The following CNIH3 variants were observed in gnomAD, a reference collection of about 807,000 sequenced individuals.
The protein encoded by CNIH3 is protein cornichon homolog 3.
CNIH3 carries 14 observed loss-of-function variants against 24.1 expected under a neutral mutation model. That is an observed-to-expected ratio of 0.58 (90% CI 0.38 to 0.91). The LOEUF is 0.91. Among genes scored for constraint, CNIH3 ranks in the 40% least tolerant of loss-of-function variants. CNIH3 has a pLI of 0.00. For missense variants in CNIH3, 178 were observed against 196.8 expected (o/e 0.90, Z 0.57); for synonymous variants, 68 against 73.8 (o/e 0.92, Z 0.40).
intron 1 of CNIH3, among the ~76,000 whole-genome samples, chr1:224,672,109 T>C (rs1240987820): frequency 6.6e-6 from 1 of 152,204 alleles, no homozygotes; most frequent in Non-Finnish European, 1.5e-5. Flanking sequence ...AAACTTGGGC[T>C]GTGGTTTGAA....
intron 1 of CNIH3, among the ~76,000 whole-genome samples, chr1:224,646,314 G>A (rs1684604384): frequency 6.6e-6 from 1 of 152,222 alleles, no homozygotes; most frequent in Non-Finnish European, 1.5e-5. Context: ...CAGTTTATCT[G>A]AGCCAAGGTT....
At chr1:224,687,391 C>G (rs1686714155) in intron 3 of CNIH3, among the ~76,000 whole-genome samples, 2 of 152,134 alleles carry the variant, frequency 1.3e-5, no homozygotes, top group Non-Finnish European at 2.9e-5. Flanking sequence ...CACCACCATG[C>G]CTGGCCGACT....
At chr1:224,547,810 A>G (rs1043646220) in intron 3 of CNIH3, among the ~76,000 whole-genome samples, 2 of 151,972 alleles carry the variant, frequency 1.3e-5, no homozygotes, top group African/African-American at 4.8e-5. Flanking sequence ...AGTGGTGTAC[A>G]TCCTGTGACA....
intron 1 of CNIH3, among the ~76,000 whole-genome samples, chr1:224,442,118 A>T (rs1674943236): frequency 6.7e-6 from 1 of 149,412 alleles, no homozygotes; most frequent in Non-Finnish European, 1.5e-5. Flanking sequence ...AGGTGGGCTC[A>T]AGCAATCCTC....
intron 5 of CNIH3, among the ~76,000 whole-genome samples, chr1:224,738,905 C>G (rs896305525): frequency 6.6e-6 from 1 of 152,074 alleles, no homozygotes; most frequent in Non-Finnish European, 1.5e-5. Context: ...CCAGCACTAC[C>G]GTATTATCCA....
intron 1 of CNIH3, among the ~76,000 whole-genome samples, chr1:224,517,412 C>T (rs921644046): frequency 5.9e-5 from 9 of 152,124 alleles, no homozygotes; most frequent in African/African-American, 1.9e-4. Flanking sequence ...CCTGGAGTGG[C>T]GTTTGATGCC....
At chr1:224,683,058 C>T (rs895380116) in intron 2 of CNIH3, among the ~76,000 whole-genome samples, 5 of 152,182 alleles carry the variant, frequency 3.3e-5, no homozygotes, top group African/African-American at 9.7e-5. Context: ...TCTCCGGGAG[C>T]TTCTGTGAAA....
chr1:224,665,828 A>G (rs1356343516), intron 1 of CNIH3, among the ~76,000 whole-genome samples: 1 of 137,662 alleles, frequency 7.3e-6, no homozygotes, highest in East Asian at 2.2e-4. Context: ...TAGAGTCGAT[A>G]GGTTTAGTGA....
At chr1:224,489,608 G>C (rs1319010430) in intron 1 of CNIH3, among the ~76,000 whole-genome samples, 1 of 152,054 alleles carries the variant, frequency 6.6e-6, no homozygotes, top group Non-Finnish European at 1.5e-5. Context: ...TTTATTTTCT[G>C]TCCAGAGCTC....
intron 3 of CNIH3, among the ~76,000 whole-genome samples, chr1:224,547,615 C>T (rs1038963522): frequency 2.7e-5 from 4 of 150,656 alleles, no homozygotes; most frequent in South Asian, 2.1e-4. Flanking sequence ...TATCACAGTG[C>T]GTGTACACCC....
At chr1:224,729,901 T>C (rs1188401536) in intron 3 of CNIH3, among the ~76,000 whole-genome samples, 1 of 152,186 alleles carries the variant, frequency 6.6e-6, no homozygotes, top group Non-Finnish European at 1.5e-5. Flanking sequence ...TAATTGTTGT[T>C]TTTCTCGCGT....
rs574214366 is a variant in CNIH3, at chr1:224,438,305, G to A, written n.203+3443G>A. On this transcript the variant is annotated intron_variant and non_coding_transcript_variant, in intron 1 of 5. Coordinates refer to the CNIH3 transcript ENST00000471578. ...ACTCTTGAGCTCGAGCAATCCTCCC[G>A]TCTTGGCCTCCCAAAGTGTTAGGAT... is the stretch of plus-strand genomic sequence containing the variant. Among the ~76,000 whole-genome samples the A allele has an allele frequency of 6.7e-5, 10 of 150,236 alleles. No individual in the cohort carries two copies. The East Asian group carries it at 1.4e-3, about 21-fold the overall frequency.
chr1:224,500,398 G>A (rs940678390), intron 1 of CNIH3, among the ~76,000 whole-genome samples: 2 of 151,972 alleles, frequency 1.3e-5, no homozygotes, highest in Non-Finnish European at 2.9e-5. Flanking sequence ...CTTGGCTGGT[G>A]CAACAGTTCA....
chr1:224,522,100 C>T (rs770494507), intron 2 of CNIH3, among the ~76,000 whole-genome samples: 3 of 152,132 alleles, frequency 2.0e-5, no homozygotes, highest in African/African-American at 4.8e-5. Context: ...GAGATTGGAT[C>T]ATTAAAGTAC....
At chr1:224,683,350 A>G (rs983314275) in intron 2 of CNIH3, among the ~76,000 whole-genome samples, 24 of 152,214 alleles carry the variant, frequency 1.6e-4, no homozygotes, top group African/African-American at 4.3e-4. Flanking sequence ...CCCTAAATGG[A>G]AGACTGCTAG....
Position 224,585,190 on chromosome 1 carries a change from C to G in CNIH3, n.620+1923C>G, listed in dbSNP as rs143011764. On this transcript the variant is annotated intron_variant and non_coding_transcript_variant, in intron 5 of 5. Coordinates refer to the CNIH3 transcript ENST00000471578. ...CAAGCCTTTGCACTTGCCCTTTGTT[C>G]ATAATGCCTTCCTTGCCCGTTTCCC... Among the ~76,000 whole-genome samples the G allele has an allele frequency of 8.7e-4, 133 of 152,276 alleles. No individual in the cohort carries two copies. The Middle Eastern group carries it at 0.017, about 19-fold the overall frequency.
At position 224,516,312 on chromosome 1, in the gene CNIH3, CAAAAAAAAAAAAAAAA is replaced by C. The variant is rs71574505; in HGVS notation, n.15+450_15+465del. ...CTGGCGACAAACCGAGACTCTGTCT[CAAAAAAAAAAAAAAAA>C]AAAAAAAAAAAAATCCATGCACTTC... On this transcript the variant is annotated intron_variant and non_coding_transcript_variant, in intron 1 of 2. Coordinates refer to the CNIH3 transcript ENST00000470602. Among the ~76,000 whole-genome samples the C allele has an allele frequency of 6.6e-3, 446 of 67,762 alleles. 2 individuals carry two copies. The highest frequency in any genetic ancestry group is 0.011 in the Middle Eastern group (1 of 92). The allele number at this position is 67,762 out of a possible 152,430, so 44.5% of individuals were successfully genotyped here. A position where few individuals can be genotyped will look rare whatever the true frequency, so the allele number is the denominator to read the frequency against.
chr1:224,500,654 C>T (rs13375353), intron 1 of CNIH3, among the ~76,000 whole-genome samples: 8 of 148,406 alleles, frequency 5.4e-5, no homozygotes, highest in African/African-American at 1.2e-4. Flanking sequence ...ACCTGCTGGG[C>T]GACAGAGTGA....
At chr1:224,618,017 A>C (rs1572596779) in intron 1 of CNIH3, among the ~76,000 whole-genome samples, 1 of 152,112 alleles carries the variant, frequency 6.6e-6, no homozygotes, top group Admixed American at 6.5e-5. Flanking sequence ...GCTTCCTGTC[A>C]CCCTTCCCGG....
Sources: gnomAD v4.1 joint callset for allele counts (sites outside exome capture counted in the v4.1 genomes callset) on GRCh38, gnomAD v4.1.1 for gene constraint, MANE v1.5 for transcripts, NCBI Gene and HGNC (gene_info 2026-07-23, HGNC 2026-07-21) for gene names.